The following MYO18B variants were observed in gnomAD, a reference collection of about 807,000 sequenced individuals.
MYO18B encodes myosin XVIIIB.
A neutral mutation model predicts 273.0 loss-of-function variants in MYO18B; 204 were observed. The observed-to-expected ratio is 0.75, with a 90% confidence interval of 0.67 to 0.84. The LOEUF is 0.84. MYO18B is among the 40% of genes least tolerant of loss of function. The pLI, the probability that MYO18B is intolerant of heterozygous loss-of-function variation, is 0.00. For synonymous variants in MYO18B, 1,330 were observed against 1,305.7 expected, an observed-to-expected ratio of 1.02 and a Z score of -0.40; for missense variants, 3,212 against 3,287.6, an observed-to-expected ratio of 0.98 and a Z score of 0.56.
chr22:25,917,546 GT>G (rs1309616717), intron 33 of MYO18B, among the ~76,000 whole-genome samples: 16 of 2,040 alleles, frequency 7.8e-3, no homozygotes, highest in African/African-American at 0.02. Flanking sequence ...CTTTGTAGGG[GT>G]GTGTGTGTGT....
At chr22:25,765,015 G>A (rs961394908) in intron 3 of MYO18B, among the ~76,000 whole-genome samples, 2 of 152,162 alleles carry the variant, frequency 1.3e-5, no homozygotes, top group African/African-American at 4.8e-5. Context: ...AGGTGGCCGG[G>A]GTGGTGCCAC....
chr22:25,902,750 G>C lies in MYO18B; in HGVS notation c.4947+14G>C, dbSNP rs770297824. The C allele has an allele frequency of 3.2e-6, 5 of 1,570,250 alleles. No individual in the cohort carries two copies. Among genetic ancestry groups the C allele is most frequent in the Non-Finnish European group, 4.3e-6 (5 of 1,157,056 alleles). On this transcript the variant is annotated intron_variant, in intron 30 of 43. Coordinates refer to ENST00000335473, the MANE Select transcript of MYO18B (RefSeq NM_032608.7). The stretch of plus-strand genomic sequence containing the variant: ...CAGCAGCTGAAGGTAAGGGATGGGG[G>C]ACACAGAGCTATCTTGGCTCTTGGT...
intron 25 of MYO18B, among the ~76,000 whole-genome samples, chr22:25,880,903 G>A (rs2301497): frequency 0.64 from 97,031 of 152,212 alleles, 31,239 homozygotes; most frequent in Admixed American, 0.7. Context: ...CAGATCTGGT[G>A]GAAAGAGTAG....
intron 39 of MYO18B, among the ~76,000 whole-genome samples, chr22:25,958,537 C>G (rs553599893): frequency 6.6e-6 from 1 of 152,304 alleles, no homozygotes; most frequent in African/African-American, 2.4e-5. Flanking sequence ...TTTCTTGTAT[C>G]ACTCATTTAT....
rs1329640269 is a variant in MYO18B, at chr22:26,027,783, CA to C, written c.*12+95del. 3.8e-6 allele frequency: 5 copies of C among 1,325,316 alleles called. No homozygotes were observed. The highest frequency in any genetic ancestry group is 1.5e-5 in the African/African-American group (1 of 67,102). The allele number at this position is 1,325,316 out of a possible 1,614,324, so 82.1% of individuals were successfully genotyped here. A position where few individuals can be genotyped will look rare whatever the true frequency, so the allele number is the denominator to read the frequency against. On this transcript the variant is annotated intron_variant, in intron 43 of 43. Coordinates refer to ENST00000335473, the MANE Select transcript of MYO18B (RefSeq NM_032608.7). The surrounding 1 kb of genome is among the most constrained non-coding windows in gnomAD (Gnocchi z 4.1). Reference sequence around the variant, plus strand: ...GGTGCCACTACTGTCCTTAATGCCACAACCGATTTCTCTAGAGACCAAGATT... The same window carrying C: ...GGTGCCACTACTGTCCTTAATGCCACACCGATTTCTCTAGAGACCAAGATT...
chr22:25,948,505 C>G (rs56189747), intron 36 of MYO18B, among the ~76,000 whole-genome samples: 1 of 24,780 alleles, frequency 4.0e-5, no homozygotes, highest in East Asian at 5.6e-4. Flanking sequence ...TCTTTCCTCT[C>G]TTTTCTCTTT....
At chr22:25,835,032 G>A (rs1458650119) in intron 16 of MYO18B, among the ~76,000 whole-genome samples, 2 of 152,200 alleles carry the variant, frequency 1.3e-5, no homozygotes, top group Non-Finnish European at 2.9e-5. Flanking sequence ...GAGGAAACAA[G>A]GCTCAGAGAA....
At chr22:25,787,292 A>G (rs1489319836) in intron 11 of MYO18B, among the ~76,000 whole-genome samples, 15 of 143,938 alleles carry the variant, frequency 1.0e-4, no homozygotes, top group Non-Finnish European at 9.3e-5. Flanking sequence ...ACACACACAC[A>G]CACACACACA....
chr22:25,811,779 C>T (rs2088773772), intron 12 of MYO18B, among the ~76,000 whole-genome samples: 1 of 152,118 alleles, frequency 6.6e-6, no homozygotes, highest in Non-Finnish European at 1.5e-5. Flanking sequence ...TGTTTCTTGC[C>T]ATTTTGGTAT....
At chr22:25,869,096 G>A (rs576326805) in intron 22 of MYO18B, among the ~76,000 whole-genome samples, 7 of 152,176 alleles carry the variant, frequency 4.6e-5, no homozygotes, top group East Asian at 1.9e-4. Context: ...AGTGGGGCAC[G>A]GAGATTGTAA....
At chr22:25,756,807 T>C (rs1474093939) in intron 1 of MYO18B, 1 of 152,350 alleles carries the variant, frequency 6.6e-6, no homozygotes, top group Non-Finnish European at 1.5e-5. Flanking sequence ...ACGCCTGTAA[T>C]CCCAGCACTT....
At chr22:25,866,844 G>A (rs2090904016) in intron 21 of MYO18B, among the ~76,000 whole-genome samples, 1 of 150,458 alleles carries the variant, frequency 6.6e-6, no homozygotes, top group Admixed American at 6.6e-5. Context: ...GAAAACACAG[G>A]CTCCTCTGCC....
intron 17 of MYO18B, among the ~76,000 whole-genome samples, chr22:25,843,489 C>T (rs528422601): frequency 7.2e-4 from 110 of 152,148 alleles, no homozygotes; most frequent in South Asian, 2.5e-3. Context: ...TCGAGGAGAT[C>T]GAGTGTACGG....
At position 26,017,244 on chromosome 22, in the gene MYO18B, G is replaced by T. The variant is rs543660155; in HGVS notation, c.6471-9201G>T. ...TAACAAAAGAGGACACTATCAACTC[G>T]TAGCTTCTACTTTGATAGTTGTTAG... is the stretch of plus-strand genomic sequence containing the variant. On this transcript the variant is annotated intron_variant, in intron 42 of 43. Transcript: ENST00000335473. Among the ~76,000 whole-genome samples the T allele has an allele frequency of 2.9e-4, 43 of 146,818 alleles. No individual in the cohort carries two copies. In the Admixed American group the frequency reaches 3.0e-3, roughly 10 times the overall value.
At chr22:25,788,538 G>A (rs1420037964) in intron 11 of MYO18B, among the ~76,000 whole-genome samples, 1 of 152,206 alleles carries the variant, frequency 6.6e-6, no homozygotes, top group Non-Finnish European at 1.5e-5. Context: ...GAGTGAGAGT[G>A]AAAGTAGTCA....
At chr22:26,000,581 CT>C (rs59924200) in intron 40 of MYO18B, among the ~76,000 whole-genome samples, 23,610 of 144,108 alleles carry the variant, frequency 0.16, 2,080 homozygotes, top group Middle Eastern at 0.2. Context: ...GCCTGAAAGC[CT>C]TTTTTTTTTT....
chr22:25,793,946 T>G (rs1351332486), intron 11 of MYO18B, among the ~76,000 whole-genome samples: 2 of 152,182 alleles, frequency 1.3e-5, no homozygotes, highest in Non-Finnish European at 2.9e-5. Flanking sequence ...TCTCTCTTTT[T>G]TTTTTGAGAC....
chr22:25,871,330 CAG>C (rs1055629782), intron 22 of MYO18B, among the ~76,000 whole-genome samples: 2 of 152,138 alleles, frequency 1.3e-5, no homozygotes, highest in Non-Finnish European at 2.9e-5. Context: ...TGTCATTTAA[CAG>C]GGGGTGGCTG....
chr22:25,896,056 G>A (rs965995649), intron 28 of MYO18B, among the ~76,000 whole-genome samples: 14 of 151,984 alleles, frequency 9.2e-5, no homozygotes, highest in Admixed American at 9.2e-4. Context: ...TTTGATAACA[G>A]GGTCGTGGGT....
Sources: gnomAD v4.1 joint callset for allele counts (sites outside exome capture counted in the v4.1 genomes callset) on GRCh38, gnomAD v4.1.1 for gene constraint, Gnocchi (gnomAD v3.1) non-coding constraint, MANE v1.5 for transcripts, NCBI Gene and HGNC (gene_info 2026-07-23, HGNC 2026-07-21) for gene names.